The following RBMS3 variants were observed in gnomAD, a reference collection of about 807,000 sequenced individuals.
RBMS3 encodes the protein RNA binding motif single stranded interacting protein 3.
RBMS3 carries 27 observed loss-of-function variants against 66.8 expected under a neutral mutation model. The ratio of observed to expected loss-of-function variants is 0.40; its 90% CI spans 0.30 to 0.56. RBMS3 has a LOEUF of 0.56. Ranked by LOEUF, RBMS3 falls within the 20% of genes least tolerant of loss-of-function variation. RBMS3 has a pLI of 0.40. For missense variants in RBMS3, 513 were observed against 549.5 expected (o/e 0.93, Z 0.66); for synonymous variants, 188 against 183.0 (o/e 1.03, Z -0.22).
At chr3:29,424,549 T>C (rs2053289) in intron 1 of RBMS3, among the ~76,000 whole-genome samples, 4,355 of 152,212 alleles carry the variant, frequency 0.029, 207 homozygotes, top group African/African-American at 0.099. Flanking sequence ...TGAGAACTGG[T>C]ATAAGGAAAT....
At chr3:29,364,612 C>G (rs552256973) in intron 1 of RBMS3, among the ~76,000 whole-genome samples, 2 of 152,262 alleles carry the variant, frequency 1.3e-5, no homozygotes, top group East Asian at 3.9e-4. Flanking sequence ...TCTTCACATA[C>G]TTTACATTTT....
chr3:29,473,595 C>T (rs539173614), intron 2 of RBMS3, among the ~76,000 whole-genome samples: 25 of 152,286 alleles, frequency 1.6e-4, no homozygotes, highest in Non-Finnish European at 2.5e-4. Flanking sequence ...CAGGAGCCCA[C>T]GGAGGAGGGG....
intron 14 of RBMS3, among the ~76,000 whole-genome samples, chr3:29,997,181 A>G (rs1699303280): frequency 6.6e-6 from 1 of 152,138 alleles, no homozygotes; most frequent in Admixed American, 6.6e-5. Flanking sequence ...AAATGGATAA[A>G]TTCCTGGACA....
chr3:29,283,668 A>T (rs893824148), intron 1 of RBMS3, among the ~76,000 whole-genome samples: 1 of 152,202 alleles, frequency 6.6e-6, no homozygotes, highest in Non-Finnish European at 1.5e-5. Context: ...AAGAAGTTAG[A>T]TCCATTAGGC....
chr3:29,685,369 A>T (rs2051685736), intron 4 of RBMS3, among the ~76,000 whole-genome samples: 1 of 151,844 alleles, frequency 6.6e-6, no homozygotes, highest in Admixed American at 6.6e-5. Flanking sequence ...CCCGGTAAAC[A>T]TTTTTTTTAT....
intron 10 of RBMS3, among the ~76,000 whole-genome samples, chr3:29,922,662 A>AC (rs1411961551): frequency 6.6e-6 from 1 of 152,090 alleles, no homozygotes; most frequent in Non-Finnish European, 1.5e-5. Context: ...TAATTTGAGT[A>AC]CCCCCTCAGT....
chr3:29,869,024 G>T, intron 7 of RBMS3, 60 bp downstream of exon 7: 4 of 1,389,136 alleles, frequency 2.9e-6, no homozygotes, highest in Non-Finnish European at 2.9e-6. Context: ...CTCAGAAGGT[G>T]GCAAGGCAGA....
chr3:29,667,911 C>T (rs1225993560), intron 4 of RBMS3, among the ~76,000 whole-genome samples: 3 of 151,984 alleles, frequency 2.0e-5, no homozygotes, highest in Non-Finnish European at 1.5e-5. Context: ...ATCATACCTC[C>T]ATAAATTTTG....
At chr3:29,634,866 T>C (rs1273771393) in intron 4 of RBMS3, among the ~76,000 whole-genome samples, 1 of 151,862 alleles carries the variant, frequency 6.6e-6, no homozygotes, top group African/African-American at 2.4e-5. Context: ...TCACTGACAC[T>C]GGCCTATCGA....
chr3:29,637,275 T>A (rs1464187143), intron 4 of RBMS3, among the ~76,000 whole-genome samples: 1 of 151,872 alleles, frequency 6.6e-6, no homozygotes, highest in Non-Finnish European at 1.5e-5. Flanking sequence ...TTTCTGGATT[T>A]CTTGGTGGTT....
rs553337470 is a variant in RBMS3 at position 29,830,791 on chromosome 3, C to T, written c.638-38067C>T. Reference sequence around the variant, plus strand: ...ACAAATTGCAATTCAGATCCTTTGCCCCTTGTGCATTCATTTCCAGTGATG... The same window carrying T: ...ACAAATTGCAATTCAGATCCTTTGCTCCTTGTGCATTCATTTCCAGTGATG... On this transcript the variant is annotated intron_variant, in intron 6 of 14. Coordinates refer to ENST00000383767, the MANE Select transcript of RBMS3 (RefSeq NM_001003793.3). Among the ~76,000 whole-genome samples the T allele has an allele frequency of 2.6e-5, 4 of 152,136 alleles. No individual in the cohort carries two copies. In the South Asian group the frequency reaches 8.3e-4, roughly 32 times the overall value.
At chr3:29,975,473 C>A (rs369100523) in intron 12 of RBMS3, among the ~76,000 whole-genome samples, 9 of 151,870 alleles carry the variant, frequency 5.9e-5, no homozygotes, top group East Asian at 5.8e-4. Context: ...GGTGTTATAT[C>A]ATAATATTTT....
intron 12 of RBMS3, among the ~76,000 whole-genome samples, chr3:29,969,125 A>G (rs1310686359): frequency 2.6e-5 from 4 of 152,226 alleles, no homozygotes; most frequent in East Asian, 3.9e-4. Flanking sequence ...TCAAATATCA[A>G]TGTTGGAGAA....
chr3:29,988,652 A>ATGGCAT (rs1181091052), intron 13 of RBMS3, among the ~76,000 whole-genome samples: 2 of 152,166 alleles, frequency 1.3e-5, no homozygotes, highest in African/African-American at 4.8e-5. Flanking sequence ...GCTGGGCATG[A>ATGGCAT]TGGCATGCAC....
chr3:29,919,671 C>A (rs1025998373), intron 10 of RBMS3, among the ~76,000 whole-genome samples: 1 of 152,136 alleles, frequency 6.6e-6, no homozygotes, highest in African/African-American at 2.4e-5. Flanking sequence ...CTTGGGATGC[C>A]TTCATGGTGT....
chr3:29,686,822 A>G (rs2051752903), intron 4 of RBMS3, among the ~76,000 whole-genome samples: 1 of 152,214 alleles, frequency 6.6e-6, no homozygotes, highest in South Asian at 2.1e-4. Flanking sequence ...ATATAACTTA[A>G]CAAATGTTTA....
At chr3:29,640,110 A>C (rs998041022) in intron 4 of RBMS3, among the ~76,000 whole-genome samples, 1 of 151,906 alleles carries the variant, frequency 6.6e-6, no homozygotes, top group Non-Finnish European at 1.5e-5. Context: ...GCTGAGAGAA[A>C]GGAATGCTAG....
chr3:29,439,609 A>ATTTATTTG (rs2041538835), intron 2 of RBMS3, among the ~76,000 whole-genome samples: 1 of 151,178 alleles, frequency 6.6e-6, no homozygotes, highest in Admixed American at 6.6e-5. Context: ...TTATTTATTT[A>ATTTATTTG]TTTTTATTAT....
At chr3:29,528,856 C>T (rs930832195) in intron 3 of RBMS3, among the ~76,000 whole-genome samples, 9 of 152,166 alleles carry the variant, frequency 5.9e-5, no homozygotes, top group African/African-American at 2.2e-4. Flanking sequence ...GCCTCAGCCT[C>T]CTGAGTAGCT....
Sources: allele counts gnomAD v4.1 joint callset (sites outside exome capture counted in the v4.1 genomes callset), GRCh38; gene constraint gnomAD v4.1.1; transcripts MANE v1.5; gene names NCBI Gene and HGNC (gene_info 2026-07-23, HGNC 2026-07-21).